Variants in P2RY14 observed in about 807,000 individuals in gnomAD.
P2RY14 encodes purinergic receptor P2Y14, also known as P2Y purinoceptor 14.
P2RY14 carries 2 observed loss-of-function variants against 0.9 expected under a neutral mutation model. The ratio of observed to expected loss-of-function variants is 2.16; its 90% CI spans 0.88 to 6.79. The LOEUF (loss-of-function observed/expected upper bound fraction) is 6.79, where lower values mean the gene tolerates loss of function less well. P2RY14 is among the 30% of genes most tolerant of loss of function. P2RY14 has a pLI of 0.05. For missense variants in P2RY14, 378 were observed against 400.1 expected (o/e 0.94, Z 0.47); for synonymous variants, 158 against 147.2 (o/e 1.07, Z -0.53).
At chr3:151,267,593 TAA>T (rs1559960639) in intron 1 of P2RY14, among the ~76,000 whole-genome samples, 1 of 152,182 alleles carries the variant, frequency 6.6e-6, no homozygotes, top group Non-Finnish European at 1.5e-5. Context: ...AACATTTTTT[TAA>T]AGCCACCTAA....
At chr3:151,277,827 C>G (rs1352597535) in intron 1 of P2RY14, among the ~76,000 whole-genome samples, 1 of 152,090 alleles carries the variant, frequency 6.6e-6, no homozygotes, top group Non-Finnish European at 1.5e-5. Context: ...AAACTTTTAC[C>G]TATATAAGTG....
intron 1 of P2RY14, among the ~76,000 whole-genome samples, chr3:151,238,367 G>A (rs1031301607): frequency 1.3e-5 from 2 of 152,160 alleles, no homozygotes; most frequent in Admixed American, 6.5e-5. Flanking sequence ...GGCTGGTCTC[G>A]AACTCCTGAC....
chr3:151,240,438 C>T (rs984373646), intron 1 of P2RY14, among the ~76,000 whole-genome samples: 2 of 152,184 alleles, frequency 1.3e-5, no homozygotes, highest in African/African-American at 4.8e-5. Flanking sequence ...ATAGCTGCTG[C>T]GTGCCAGGTA....
At chr3:151,217,418 A>G (rs1391369821) in intron 2 of P2RY14, among the ~76,000 whole-genome samples, 1 of 152,180 alleles carries the variant, frequency 6.6e-6, no homozygotes, top group African/African-American at 2.4e-5. Flanking sequence ...GGTGATATAC[A>G]CCATTCCCCT....
intron 1 of P2RY14, among the ~76,000 whole-genome samples, chr3:151,243,421 G>A (rs1312228522): frequency 6.5e-4 from 2 of 3,070 alleles, no homozygotes; most frequent in Non-Finnish European, 1.0e-3. Flanking sequence ...GGATCTCTCG[G>A]CAGAAACCCT....
intron 1 of P2RY14, among the ~76,000 whole-genome samples, chr3:151,220,359 A>G (rs1405993987): frequency 1.3e-5 from 2 of 152,016 alleles, no homozygotes; most frequent in Non-Finnish European, 2.9e-5. Context: ...ATATTTCTGA[A>G]TTCTTTAAAC....
Position 151,214,105 on chromosome 3 carries a change from C to G in P2RY14, c.212G>C (p.Ser71Thr), listed in dbSNP as rs995231498. 3 of 1,613,970 alleles carry G rather than the reference C, an allele frequency of 1.9e-6. No individual in the cohort carries two copies. Among genetic ancestry groups the G allele is most frequent in the Admixed American group, 3.3e-5 (2 of 60,006 alleles). The change falls in exon 3 of 3, where the codon AGC becomes ACC. Residue 71 changes from serine (S) to threonine (T), a missense_variant. Coordinates refer to ENST00000309170, the MANE Select transcript of P2RY14 (RefSeq NM_014879.4). ...KNIVIADFVM[S>T]LTFPFKILGD... is the part of the protein sequence containing the mutation. ...AAGGATCTTGAAAGGAAAAGTCAGG[C>G]TCATCACAAAGTCAGCAATAACAAT...
At chr3:151,274,529 C>T (rs1741529503) in intron 1 of P2RY14, among the ~76,000 whole-genome samples, 1 of 152,166 alleles carries the variant, frequency 6.6e-6, no homozygotes, top group African/African-American at 2.4e-5. Flanking sequence ...CACTAAAGGC[C>T]ACCTCCTAGG....
At chr3:151,237,336 CTTTTTTTTTTTTTCTTTTT>C (rs1257372080) in intron 1 of P2RY14, among the ~76,000 whole-genome samples, 12 of 96,496 alleles carry the variant, frequency 1.2e-4, no homozygotes, top group Admixed American at 5.1e-4. Flanking sequence ...CCACGCCTGG[CTTTTTTTTTTTTTCTTTTT>C]TTTTTTTTTT....
chr3:151,247,946 CT>C (rs1241527168), intron 1 of P2RY14, among the ~76,000 whole-genome samples: 2 of 80,424 alleles, frequency 2.5e-5, no homozygotes, highest in Non-Finnish European at 2.6e-5. Context: ...TGTTTACTTT[CT>C]TTCTTCTTCT....
intron 1 of P2RY14, among the ~76,000 whole-genome samples, chr3:151,276,716 T>G (rs899750209): frequency 6.6e-6 from 1 of 152,176 alleles, no homozygotes; most frequent in African/African-American, 2.4e-5. Flanking sequence ...TTCAGCACTT[T>G]AGAAGCATCA....
intron 1 of P2RY14, among the ~76,000 whole-genome samples, chr3:151,266,345 G>A (rs1454188174): frequency 6.6e-6 from 1 of 152,224 alleles, no homozygotes; most frequent in Admixed American, 6.5e-5. Context: ...CACTGCATGT[G>A]TCTGGAAATC....
chr3:151,248,349 A>G (rs1736162635), intron 1 of P2RY14, among the ~76,000 whole-genome samples: 1 of 152,182 alleles, frequency 6.6e-6, no homozygotes, highest in Non-Finnish European at 1.5e-5. Flanking sequence ...TAGAGAAGAC[A>G]TCACAGCTGC....
intron 1 of P2RY14, among the ~76,000 whole-genome samples, chr3:151,270,702 G>A (rs1483833500): frequency 6.6e-6 from 1 of 152,160 alleles, no homozygotes; most frequent in East Asian, 1.9e-4. Flanking sequence ...GGTTAAGTGT[G>A]TATTTTGACA....
intron 1 of P2RY14, among the ~76,000 whole-genome samples, chr3:151,239,914 C>T (rs1342258755): frequency 6.6e-6 from 1 of 152,192 alleles, no homozygotes; most frequent in African/African-American, 2.4e-5. Flanking sequence ...TTCCCAAGTT[C>T]ATTTTTGTAA....
intron 1 of P2RY14, among the ~76,000 whole-genome samples, chr3:151,234,835 A>G (rs1017051979): frequency 1.3e-5 from 2 of 152,184 alleles, no homozygotes; most frequent in Non-Finnish European, 2.9e-5. Flanking sequence ...TTCCTTAGTC[A>G]GGGGTCACCA....
chr3:151,271,017 CAA>C (rs56917310), intron 1 of P2RY14, among the ~76,000 whole-genome samples: 30 of 143,982 alleles, frequency 2.1e-4, no homozygotes, highest in Admixed American at 4.1e-4. Context: ...ACCCAAAAAC[CAA>C]AAAAAAAAAA....
At chr3:151,271,450 T>A (rs1445213616) in intron 1 of P2RY14, among the ~76,000 whole-genome samples, 1 of 152,230 alleles carries the variant, frequency 6.6e-6, no homozygotes. Context: ...GGGTCACTTC[T>A]TATCAAGTTA....
At chr3:151,233,665 G>A (rs577737927) in intron 1 of P2RY14, among the ~76,000 whole-genome samples, 41 of 152,316 alleles carry the variant, frequency 2.7e-4, no homozygotes, top group African/African-American at 8.7e-4. Context: ...CCCGGGAGGC[G>A]GAGGTTGTGG....
Sources: gnomAD v4.1 joint callset for allele counts (sites outside exome capture counted in the v4.1 genomes callset) on GRCh38, gnomAD v4.1.1 for gene constraint, MANE v1.5 for transcripts, NCBI Gene and HGNC (gene_info 2026-07-23, HGNC 2026-07-21) for gene names.